Variants in SYNE3 observed in about 807,000 individuals in gnomAD.
SYNE3 encodes spectrin repeat containing nuclear envelope family member 3.
SYNE3 carries 100 observed loss-of-function variants against 111.2 expected under a neutral mutation model. The ratio of observed to expected loss-of-function variants is 0.90; its 90% CI spans 0.77 to 1.06. SYNE3 has a LOEUF of 1.06. SYNE3 is among the 50% of genes least tolerant of loss of function. The pLI, the probability that SYNE3 is intolerant of heterozygous loss-of-function variation, is 0.00. For missense variants in SYNE3, 1,160 were observed against 1,240.3 expected (o/e 0.94, Z 0.97); for synonymous variants, 547 against 533.9 (o/e 1.02, Z -0.34).
At chr14:95,504,127 A>C (rs2139604028) in intron 1 of SYNE3, among the ~76,000 whole-genome samples, 2 of 152,364 alleles carry the variant, frequency 1.3e-5, no homozygotes, top group East Asian at 3.9e-4. Flanking sequence ...TTCATGGCAT[A>C]TGAAAATTAT....
intron 5 of SYNE3, among the ~76,000 whole-genome samples, 198 bp downstream of exon 5, chr14:95,456,979 G>A (rs1887483887): frequency 6.6e-6 from 1 of 151,834 alleles, no homozygotes; most frequent in Non-Finnish European, 1.5e-5. Flanking sequence ...CAGCTACTCA[G>A]GAGGCTGAGG....
In SYNE3 at chr14:95,459,943, T is replaced by C. The variant is rs112212698; in HGVS notation, c.628-2605A>G. Among the ~76,000 whole-genome samples the C allele has an allele frequency of 4.0e-3, 608 of 151,218 alleles. 6 individuals carry two copies. The highest frequency in any genetic ancestry group is 0.014 in the African/African-American group (579 of 41,066). On this transcript the variant is annotated intron_variant, in intron 4 of 17. Transcript: ENST00000682763. ...TGAGATGGCATCTCTACAAAAAATT[T>C]AAAGATTAGCTGGGTTTGTGAAGGG...
intron 1 of SYNE3, among the ~76,000 whole-genome samples, chr14:95,478,344 G>A (rs1027467640): frequency 2.0e-5 from 3 of 152,186 alleles, no homozygotes; most frequent in African/African-American, 7.2e-5. Flanking sequence ...ACCTAATGTG[G>A]TATCAGGGAC....
In SYNE3 at chr14:95,446,567, A is replaced by AC. The variant is rs769385229; in HGVS notation, c.1450-477dup. Among the ~76,000 whole-genome samples the AC allele has an allele frequency of 1.1e-4, 17 of 151,406 alleles. No individual in the cohort carries two copies. In the East Asian group the frequency reaches 1.4e-3, roughly 12 times the overall value. On this transcript the variant is annotated intron_variant, in intron 8 of 17. Coordinates refer to ENST00000682763, the MANE Select transcript of SYNE3 (RefSeq NM_152592.6). ...CCCCGTCACCAACAACAGTGGACAC[A>AC]CCCCCCAGCGCTATCTGCAACAGTG...
intron 6 of SYNE3, among the ~76,000 whole-genome samples, chr14:95,454,808 C>T (rs1887307701): frequency 6.6e-6 from 1 of 152,132 alleles, no homozygotes; most frequent in South Asian, 2.1e-4. Context: ...AGGGCCGTTG[C>T]TTCTTATTTT....
Position 95,440,005 on chromosome 14 carries a change from C to A in SYNE3, c.1982G>T (p.Arg661Leu). The A allele has an allele frequency of 6.8e-6, 11 of 1,613,128 alleles. No homozygotes were observed. The highest frequency in any genetic ancestry group is 9.3e-6 in the Non-Finnish European group (11 of 1,180,022). ...CTFSHQLLELRQWIVVTTQKL... is the reference protein window; with the variant it reads ...CTFSHQLLELLQWIVVTTQKL... ...TTGCGTGGTCACAACGATCCACTGC[C>A]GCAGCTCCAGCAGCTGGTGGCTGAA... The change falls in exon 12 of 18, where the codon CGG becomes CTG. Residue 661 changes from arginine to leucine, a missense_variant. Physicochemically the swap from Arg to Leu is moderately radical, Grantham distance 102. Transcript: ENST00000682763.
chr14:95,495,816 G>A (rs1890066447), intron 1 of SYNE3, among the ~76,000 whole-genome samples: 1 of 152,248 alleles, frequency 6.6e-6, no homozygotes, highest in Non-Finnish European at 1.5e-5. Flanking sequence ...CAGACGGGGT[G>A]GAGGGTGAGC....
At chr14:95,495,531 C>T (rs563988940) in intron 1 of SYNE3, among the ~76,000 whole-genome samples, 64 of 152,348 alleles carry the variant, frequency 4.2e-4, no homozygotes, top group African/African-American at 1.4e-3. Flanking sequence ...GTGTGCCAGG[C>T]ACTGGGCAGA....
intron 1 of SYNE3, among the ~76,000 whole-genome samples, chr14:95,512,668 C>T (rs1049219204): frequency 2.0e-5 from 3 of 150,888 alleles, no homozygotes; most frequent in Admixed American, 6.6e-5. Context: ...CTGGCTAACA[C>T]GATGAAACCC....
intron 8 of SYNE3, among the ~76,000 whole-genome samples, chr14:95,447,908 C>T (rs982469550): frequency 6.6e-6 from 1 of 152,190 alleles, no homozygotes; most frequent in African/African-American, 2.4e-5. Flanking sequence ...AATAAAACTA[C>T]CTGTGCATAG....
At chr14:95,457,153 G>A (rs771384479) in intron 5 of SYNE3, 24 bp downstream of exon 5, 29 of 1,610,212 alleles carry the variant, frequency 1.8e-5, no homozygotes, top group Non-Finnish European at 2.0e-5. Flanking sequence ...GGGTCCCTCT[G>A]GTTGAGACAC....
At position 95,437,087 on chromosome 14, in the gene SYNE3, C is replaced by T. The variant is rs1002773859; in HGVS notation, c.2377-106G>A. The T allele has an allele frequency of 3.6e-6, 5 of 1,400,954 alleles. No individual in the cohort carries two copies. The African/African-American group carries it at 7.2e-5, about 20-fold the overall frequency. The allele number at this position is 1,400,954 out of a possible 1,614,324, so 86.8% of individuals were successfully genotyped here. ...GAGGGGCAGGGACCAGGACAAGATG[C>T]CCAAAATGGCGACGGGAGAGGCCTG... is the stretch of plus-strand genomic sequence containing the variant. On this transcript the variant is annotated intron_variant, in intron 14 of 17. Coordinates refer to ENST00000682763, the MANE Select transcript of SYNE3 (RefSeq NM_152592.6).
In SYNE3 at chr14:95,487,917, TTCC is replaced by T. The variant is rs57519352; in HGVS notation, c.-14-12085_-14-12083del. On this transcript the variant is annotated intron_variant, in intron 1 of 17. Coordinates refer to ENST00000682763, the MANE Select transcript of SYNE3 (RefSeq NM_152592.6). ...GAGACAGCAAGACCAACCCCTCCTC[TTCC>T]TCCTCCTCCTCCTCCTCAGCCTACT... 5.5e-3 allele frequency among the ~76,000 whole-genome samples: 827 copies of T among 149,852 alleles called. 10 individuals are homozygous for T. Among genetic ancestry groups the T allele is most frequent in the African/African-American group, 0.019 (781 of 40,772 alleles).
At chr14:95,453,190 C>T (rs1046197991) in intron 6 of SYNE3, among the ~76,000 whole-genome samples, 7 of 152,172 alleles carry the variant, frequency 4.6e-5, no homozygotes, top group African/African-American at 1.7e-4. Flanking sequence ...CCACTCTCAC[C>T]AACCACGTGG....
intron 1 of SYNE3, among the ~76,000 whole-genome samples, chr14:95,493,575 A>G (rs938794033): frequency 6.6e-6 from 1 of 152,354 alleles, no homozygotes. Context: ...TTTTTGAATC[A>G]AACAACAGAA....
At chr14:95,440,581 T>C (rs1315420113) in intron 11 of SYNE3, among the ~76,000 whole-genome samples, 1 of 152,234 alleles carries the variant, frequency 6.6e-6, no homozygotes, top group African/African-American at 2.4e-5. Flanking sequence ...CACAATGGAA[T>C]GTTTTACAGC....
intron 1 of SYNE3, chr14:95,516,130 C>G (rs924928516): frequency 6.6e-6 from 1 of 152,338 alleles, no homozygotes; most frequent in Non-Finnish European, 1.5e-5. Context: ...CCCCTCTTCG[C>G]CGCCTGCTCT....
intron 17 of SYNE3, among the ~76,000 whole-genome samples, chr14:95,427,858 T>C (rs1242899892): frequency 6.6e-6 from 1 of 152,202 alleles, no homozygotes; most frequent in Non-Finnish European, 1.5e-5. Flanking sequence ...TCTCCGCATA[T>C]GGGGAGAAAA....
At chr14:95,427,144 GAC>G (rs1885478641) in intron 17 of SYNE3, among the ~76,000 whole-genome samples, 1 of 152,142 alleles carries the variant, frequency 6.6e-6, no homozygotes, top group African/African-American at 2.4e-5. Context: ...GTGACCAGAA[GAC>G]AGAGTGCAAG....
Sources: allele counts gnomAD v4.1 joint callset (sites outside exome capture counted in the v4.1 genomes callset), GRCh38; gene constraint gnomAD v4.1.1; transcripts MANE v1.5; gene names NCBI Gene and HGNC (gene_info 2026-07-23, HGNC 2026-07-21).